The following PHC3 variants were observed in gnomAD, a reference collection of about 807,000 sequenced individuals.
PHC3 encodes polyhomeotic homolog 3.
In PHC3, 13 loss-of-function variants were observed where a neutral mutation model predicts 107.4. That is an observed-to-expected ratio of 0.12 (90% CI 0.08 to 0.19). The LOEUF is 0.19. PHC3 is among the 10% of genes least tolerant of loss of function. PHC3 has a pLI of 1.00. For synonymous variants in PHC3, 456 were observed against 427.4 expected (o/e 1.07, Z -0.83); for missense variants, 992 against 1,210.9 (o/e 0.82, Z 2.68).
chr3:170,175,636 A>AAG (rs1560138131), intron 2 of PHC3, among the ~76,000 whole-genome samples: 2 of 148,742 alleles, frequency 1.3e-5, no homozygotes, highest in Non-Finnish European at 3.0e-5. Flanking sequence ...AAAAAAAAAA[A>AAG]GGGGGGGGCC....
chr3:170,134,279 T>G (rs1177504504), intron 7 of PHC3, among the ~76,000 whole-genome samples: 1 of 151,894 alleles, frequency 6.6e-6, no homozygotes, highest in East Asian at 1.9e-4. Context: ...AACCTCCACC[T>G]CCCCGGTTCA....
rs1714299318 is a variant in PHC3 at position 170,093,296 on chromosome 3, T to TAGGGCC, written c.*3933_*3934insGGCCCT. On this transcript the variant is annotated 3_prime_UTR_variant, in exon 15 of 15. Coordinates refer to ENST00000495893, the MANE Select transcript of PHC3 (RefSeq NM_024947.4). ...CTCCAAGAAAGAAGTTTTCATGGTT[T>TAGGGCC]TCTTGGAGCTAGAGGCCTTAGAGAG... 6.6e-6 allele frequency: 1 copy of TAGGGCC among 152,174 alleles called. No individual in the cohort carries two copies. The highest frequency in any genetic ancestry group is 1.5e-5 in the Non-Finnish European group (1 of 68,028). The allele number at this position is 152,174 out of a possible 1,614,324, so 9.4% of individuals were successfully genotyped here.
At position 170,151,016 on chromosome 3, in the gene PHC3, G is replaced by A. The variant is rs1327687587; in HGVS notation, c.415-1772C>T. ...TCGCAAGGTCAGGAGTTTGAGACCA[G>A]CCTGACCAACATGGTGAAATCCCAT... On this transcript the variant is annotated intron_variant, in intron 4 of 14. Transcript: ENST00000495893. Among the ~76,000 whole-genome samples, 5 of 152,190 alleles carry A rather than the reference G, an allele frequency of 3.3e-5. No individual in the cohort carries two copies. The East Asian group carries it at 9.7e-4, about 29-fold the overall frequency.
At position 170,097,544 on chromosome 3, in the gene PHC3, G is replaced by C. The variant is rs149734558; in HGVS notation, c.2834-160C>G. ...TGGTAGTCTTGAGTTCACTCTTGAA[G>C]AATAGAGTATTTGCATTCTGAAAAT... On this transcript the variant is annotated intron_variant, in intron 14 of 14. Transcript: ENST00000495893. This position sits in a 1 kb window ranked among gnomAD's most constrained non-coding sequence, Gnocchi z 4.1. Among the ~76,000 whole-genome samples the C allele has an allele frequency of 1.1e-4, 16 of 152,292 alleles. No homozygotes were observed. Among genetic ancestry groups the C allele is most frequent in the African/African-American group, 3.8e-4 (16 of 41,564 alleles).
rs1444348269 is a variant in PHC3, at chr3:170,136,651, T to C, written c.687A>G (p.Thr229=). The stretch of plus-strand genomic sequence containing the variant: ...ATACACCCAACTTCTGGCTGCGTAA[T>C]GTTAAATTCTGAACCTAAGAACCAC... The part of the protein sequence containing the change: ...QSAATQVQNL[T]LRSQKLGVLS... Residue 229 remains threonine, a synonymous_variant, in exon 7 of 15, where the codon ACA becomes ACG. Coordinates refer to ENST00000495893, the MANE Select transcript of PHC3 (RefSeq NM_024947.4). 5 of 1,613,412 alleles carry C rather than the reference T, an allele frequency of 3.1e-6. No homozygotes were observed. The Admixed American group carries it at 6.7e-5, about 22-fold the overall frequency.
intron 4 of PHC3, among the ~76,000 whole-genome samples, chr3:170,159,568 G>A (rs987153266): frequency 1.3e-5 from 2 of 152,124 alleles, no homozygotes; most frequent in African/African-American, 2.4e-5. Flanking sequence ...AATTTCTCGT[G>A]GATTTGTTCA....
intron 1 of PHC3, among the ~76,000 whole-genome samples, chr3:170,179,831 G>A (rs931435786): frequency 3.9e-5 from 6 of 152,204 alleles, no homozygotes; most frequent in Admixed American, 3.9e-4. Context: ...GAAACCAGAA[G>A]AGCAGTAGTT....
rs1301449612 is a variant in PHC3 at position 170,097,829 on chromosome 3, A to G, written c.2834-445T>C. ...TTGTCATTTAAATAACAATCTAGAA[A>G]TATTTTCTCAAGTAAGTACCACTTT... On this transcript the variant is annotated intron_variant, in intron 14 of 14. Transcript: ENST00000495893. This position sits in a 1 kb window ranked among gnomAD's most constrained non-coding sequence, Gnocchi z 4.1. Among the ~76,000 whole-genome samples, 1 of 152,136 alleles carries G rather than the reference A, an allele frequency of 6.6e-6. No homozygotes were observed. The highest frequency in any genetic ancestry group is 2.4e-5 in the African/African-American group (1 of 41,436).
rs1218052244 is a variant in PHC3, at chr3:170,090,002, T to C, written c.*7228A>G. The C allele has an allele frequency of 2.0e-5, 3 of 151,484 alleles. No individual in the cohort carries two copies. The highest frequency in any genetic ancestry group is 2.0e-4 in the Admixed American group (3 of 15,200). 9.4% of individuals were successfully genotyped at this position (151,484 alleles called of 1,614,324 possible). ...AAAAGCTCTTATATCAACACCAGCT[T>C]TTTTTTTGTTCTGCCACATGCCTTG... On this transcript the variant is annotated 3_prime_UTR_variant, in exon 15 of 15. Coordinates refer to ENST00000495893, the MANE Select transcript of PHC3 (RefSeq NM_024947.4).
At chr3:170,178,269 G>A (rs964763922) in intron 2 of PHC3, among the ~76,000 whole-genome samples, 21 of 149,770 alleles carry the variant, frequency 1.4e-4, no homozygotes, top group Non-Finnish European at 2.7e-4. Context: ...TCAGCCTCCC[G>A]AGTAGCTGGG....
chr3:170,167,467 A>G (rs1728910009), intron 4 of PHC3, among the ~76,000 whole-genome samples: 1 of 152,238 alleles, frequency 6.6e-6, no homozygotes, highest in Admixed American at 6.5e-5. Flanking sequence ...TGTGTTTAAA[A>G]GTCAAAACAT....
rs1010804847 is a variant in PHC3, at chr3:170,095,015, G to T, written c.*2215C>A. 1 of 152,126 alleles carries T rather than the reference G, an allele frequency of 6.6e-6. No individual in the cohort carries two copies. The highest frequency in any genetic ancestry group is 6.6e-5 in the Admixed American group (1 of 15,266). 9.4% of individuals were successfully genotyped at this position (152,126 alleles called of 1,614,324 possible). A position where few individuals can be genotyped will look rare whatever the true frequency, so the allele number is the denominator to read the frequency against. ...AGTCTATCCCCATATAATAAATTTTGTATTAACCGTGGATAATCTATGAAA... is the reference window on the plus strand; with the variant it reads ...AGTCTATCCCCATATAATAAATTTTTTATTAACCGTGGATAATCTATGAAA... On this transcript the variant is annotated 3_prime_UTR_variant, in exon 15 of 15. Transcript: ENST00000495893.
intron 12 of PHC3, among the ~76,000 whole-genome samples, chr3:170,106,083 G>A (rs1716451479): frequency 6.6e-6 from 1 of 152,012 alleles, no homozygotes; most frequent in South Asian, 2.1e-4. Context: ...ATGGTGGCAG[G>A]TGCCTGTAAT....
rs1577012495 is a variant in PHC3, at chr3:170,113,442, C to T, written c.2271G>A (p.Val757=). The T allele has an allele frequency of 6.2e-7, 1 of 1,613,270 alleles. No homozygotes were observed. Among genetic ancestry groups the T allele is most frequent in the Admixed American group, 1.7e-5 (1 of 59,964 alleles). ...TATTCTGTAGCTCTGGCTGAACACACACTGAATTTATCACCTGATTATCCA... is the reference window on the plus strand; with the variant it reads ...TATTCTGTAGCTCTGGCTGAACACATACTGAATTTATCACCTGATTATCCA... ...PLLDNQVINS[V]CVQPELQNNT... is the part of the protein sequence containing the mutation. Residue 757 remains valine, a synonymous_variant, in exon 11 of 15, where the codon GTG becomes GTA. Transcript: ENST00000495893.
intron 1 of PHC3, among the ~76,000 whole-genome samples, chr3:170,180,820 T>A (rs1731270826): frequency 6.6e-6 from 1 of 152,094 alleles, no homozygotes; most frequent in Admixed American, 6.6e-5. Flanking sequence ...TAACCAAAAA[T>A]GGTCACAGAG....
intron 1 of PHC3, among the ~76,000 whole-genome samples, chr3:170,181,193 C>A (rs1731352943): frequency 6.6e-6 from 1 of 152,212 alleles, no homozygotes; most frequent in African/African-American, 2.4e-5. Flanking sequence ...ATGCCTCCGG[C>A]ACGAGGGAAG....
chr3:170,131,039 C>T (rs1722175670), intron 7 of PHC3, among the ~76,000 whole-genome samples: 1 of 149,718 alleles, frequency 6.7e-6, no homozygotes, highest in Admixed American at 6.7e-5. Context: ...AAAATTTTCA[C>T]ATTTGGTTAT....
At chr3:170,141,036 T>C (rs1481366369) in intron 6 of PHC3, among the ~76,000 whole-genome samples, 1 of 152,232 alleles carries the variant, frequency 6.6e-6, no homozygotes, top group Non-Finnish European at 1.5e-5. Context: ...TTTTACACTA[T>C]GGTATAAGAA....
At chr3:170,107,493 G>A (rs912888503) in intron 11 of PHC3, among the ~76,000 whole-genome samples, 1 of 152,122 alleles carries the variant, frequency 6.6e-6, no homozygotes, top group African/African-American at 2.4e-5. Context: ...ATATAAAGAT[G>A]CATATATCAG....
Sources: allele counts gnomAD v4.1 joint callset (sites outside exome capture counted in the v4.1 genomes callset), GRCh38; gene constraint gnomAD v4.1.1; non-coding constraint Gnocchi (gnomAD v3.1); transcripts MANE v1.5; gene names NCBI Gene and HGNC (gene_info 2026-07-23, HGNC 2026-07-21).